Variants in FSTL4 observed in about 807,000 individuals in gnomAD.
FSTL4 encodes the protein follistatin-related protein 4.
A neutral mutation model predicts 78.2 loss-of-function variants in FSTL4; 28 were observed. The ratio of observed to expected loss-of-function variants is 0.36; its 90% CI spans 0.27 to 0.49. FSTL4 has a LOEUF of 0.49. FSTL4 is among the 20% of genes least tolerant of loss of function. The pLI, the probability that FSTL4 is intolerant of heterozygous loss-of-function variation, is 0.98. For synonymous variants in FSTL4, 422 were observed against 440.5 expected (o/e 0.96, Z 0.53); for missense variants, 922 against 1,084.9 (o/e 0.85, Z 2.11).
upstream of FSTL4, among the ~76,000 whole-genome samples, chr5:133,617,341 A>G (rs1164640832): frequency 2.0e-5 from 3 of 151,164 alleles, no homozygotes; most frequent in Non-Finnish European, 2.9e-5. Flanking sequence ...TGAGGCACCA[A>G]ATGATAGCGA....
chr5:133,475,154 A>G (rs963152931), intron 3 of FSTL4, among the ~76,000 whole-genome samples: 1 of 152,244 alleles, frequency 6.6e-6, no homozygotes, highest in Non-Finnish European at 1.5e-5. Flanking sequence ...TGTCTCAGTT[A>G]GGAACTAAAA....
intron 3 of FSTL4, among the ~76,000 whole-genome samples, chr5:133,405,185 C>T (rs769112101): frequency 5.3e-5 from 8 of 152,236 alleles, no homozygotes; most frequent in Non-Finnish European, 1.2e-4. Context: ...CGACCTAGCA[C>T]TGAATTCCAC....
In FSTL4 at chr5:133,400,922, C is replaced by T. The variant is rs17166688; in HGVS notation, c.225G>A (p.Arg75=). The T allele has an allele frequency of 0.026, 41,566 of 1,613,566 alleles. 655 individuals are homozygous for T. Among genetic ancestry groups the T allele is most frequent in the Non-Finnish European group, 0.03 (35,037 of 1,180,010 alleles). ...CGKKFCSRGS[R]CVLSRKTGEP... is the part of the protein sequence containing the mutation. ...CCCCTGTCTTCCTGCTGAGCACGCA[C>T]CGGCTCCCTCGGCTGCAGAACTTCT... Residue 75 remains arginine, a synonymous_variant, in exon 4 of 16, where the codon CGG becomes CGA. Coordinates refer to ENST00000265342, the MANE Select transcript of FSTL4 (RefSeq NM_015082.2).
At chr5:133,395,088 T>G (rs1333630784) in intron 4 of FSTL4, among the ~76,000 whole-genome samples, 1 of 151,790 alleles carries the variant, frequency 6.6e-6, no homozygotes, top group Non-Finnish European at 1.5e-5. Flanking sequence ...ACCAATCAGC[T>G]CTCTGTAAAA....
intron 6 of FSTL4, among the ~76,000 whole-genome samples, chr5:133,264,241 A>G (rs1382352705): frequency 6.6e-6 from 1 of 152,228 alleles, no homozygotes; most frequent in African/African-American, 2.4e-5. Flanking sequence ...AATAACCACA[A>G]TGCTAGCAAT....
At chr5:133,516,145 T>C (rs1376132418) in intron 3 of FSTL4, among the ~76,000 whole-genome samples, 1 of 152,216 alleles carries the variant, frequency 6.6e-6, no homozygotes. Context: ...GCAATCCTTT[T>C]ACTTTTAGAA....
At chr5:133,607,851 T>C (rs1455232343) in intron 1 of FSTL4, among the ~76,000 whole-genome samples, 1 of 147,466 alleles carries the variant, frequency 6.8e-6, no homozygotes, top group African/African-American at 2.5e-5. Context: ...CTGGGCAGAC[T>C]CTCCTCAGTC....
the FSTL4 span, among the ~76,000 whole-genome samples, chr5:133,626,366 A>T: frequency 8.5e-6 from 1 of 117,850 alleles, no homozygotes; most frequent in African/African-American, 3.6e-5. Context: ...ATATATATAT[A>T]ATTTGTGCAT....
chr5:133,299,051 G>T (rs1490249703), intron 6 of FSTL4, among the ~76,000 whole-genome samples: 1 of 152,220 alleles, frequency 6.6e-6, no homozygotes, highest in African/African-American at 2.4e-5. Context: ...GAACAGGTTG[G>T]GTGCAGTCAG....
At chr5:133,512,344 G>A (rs182962500) in intron 3 of FSTL4, among the ~76,000 whole-genome samples, 21 of 152,326 alleles carry the variant, frequency 1.4e-4, no homozygotes, top group African/African-American at 5.1e-4. Context: ...AATAGGTGCT[G>A]CAGATTCCCA....
intron 8 of FSTL4, among the ~76,000 whole-genome samples, chr5:133,227,536 G>A (rs528901517): frequency 7.2e-5 from 11 of 152,212 alleles, no homozygotes; most frequent in South Asian, 4.1e-4. Context: ...AGAACCAGGA[G>A]TACTGGCCTT....
At chr5:133,219,276 C>T (rs1561624922) in intron 12 of FSTL4, among the ~76,000 whole-genome samples, 1 of 152,204 alleles carries the variant, frequency 6.6e-6, no homozygotes. Flanking sequence ...TGCCACCCCC[C>T]ATTCTCTCCT....
the FSTL4 span, among the ~76,000 whole-genome samples, chr5:133,674,493 G>A: frequency 2.0e-5 from 3 of 152,104 alleles, no homozygotes; most frequent in Admixed American, 1.3e-4. Context: ...AATAGGAAAA[G>A]CTAACTTTAT....
At chr5:133,313,335 C>A (rs1753834041) in intron 5 of FSTL4, among the ~76,000 whole-genome samples, 1 of 152,184 alleles carries the variant, frequency 6.6e-6, no homozygotes, top group Non-Finnish European at 1.5e-5. Flanking sequence ...TGAGCTTCCC[C>A]CCTGCCTGCC....
chr5:133,751,144 A>G, the FSTL4 span, among the ~76,000 whole-genome samples: 1 of 151,876 alleles, frequency 6.6e-6, no homozygotes, highest in African/African-American at 2.4e-5. Flanking sequence ...TCCCCTACTC[A>G]GAAGCCCTAC....
chr5:133,637,828 C>G, the FSTL4 span, among the ~76,000 whole-genome samples: 24 of 152,000 alleles, frequency 1.6e-4, no homozygotes, highest in Non-Finnish European at 3.2e-4. Flanking sequence ...CATCCCATCA[C>G]CTGAGCACTT....
chr5:133,679,177 C>T, the FSTL4 span, among the ~76,000 whole-genome samples: 1 of 152,136 alleles, frequency 6.6e-6, no homozygotes, highest in Non-Finnish European at 1.5e-5. Context: ...CCCAGGGAAG[C>T]TCATTAGAGC....
intron 6 of FSTL4, among the ~76,000 whole-genome samples, chr5:133,312,232 G>A (rs764377979): frequency 2.6e-4 from 39 of 152,230 alleles, no homozygotes; most frequent in East Asian, 3.9e-4. Context: ...GCTCCCTGCC[G>A]CTGCATGGCC....
the FSTL4 span, among the ~76,000 whole-genome samples, chr5:133,703,759 C>T: frequency 1.3e-5 from 2 of 152,108 alleles, no homozygotes; most frequent in Admixed American, 6.5e-5. Flanking sequence ...GCCAGGAACT[C>T]GCTGAGGGCA....
Sources: allele counts gnomAD v4.1 joint callset (sites outside exome capture counted in the v4.1 genomes callset), GRCh38; gene constraint gnomAD v4.1.1; transcripts MANE v1.5; gene names NCBI Gene and HGNC (gene_info 2026-07-23, HGNC 2026-07-21).